OIT3: variants seen among roughly 807,000 people sequenced by gnomAD.
The protein encoded by OIT3 is oncoprotein-induced transcript 3 protein.
In OIT3, 41 loss-of-function variants were observed where a neutral mutation model predicts 52.2. That is an observed-to-expected ratio of 0.79 (90% CI 0.61 to 1.02). OIT3 has a LOEUF of 1.02. Ranked by LOEUF, OIT3 falls within the 50% of genes least tolerant of loss-of-function variation. The pLI is 0.00. For missense variants in OIT3, 634 were observed against 715.5 expected (o/e 0.89, Z 1.30); for synonymous variants, 244 against 276.9 (o/e 0.88, Z 1.18).
chr10:72,914,405 C>G lies in OIT3; in HGVS notation c.951+937C>G, dbSNP rs1010273043. Among the ~76,000 whole-genome samples the G allele has an allele frequency of 2.0e-5, 3 of 152,130 alleles. 1 individual carries two copies. Among genetic ancestry groups the G allele is most frequent in the African/African-American group, 7.2e-5 (3 of 41,420 alleles). ...CCTGCATCTGGATCAGCACGGAGGC[C>G]TTTGCGATCCTTTGGTTAAATGAAT... On this transcript the variant is annotated intron_variant, in intron 6 of 8. Transcript: ENST00000334011.
chr10:72,898,808 C>T lies in OIT3; in HGVS notation c.206C>T (p.Ala69Val), dbSNP rs768439149. The T allele has an allele frequency of 2.5e-6, 4 of 1,614,104 alleles. No homozygotes were observed. The highest frequency in any genetic ancestry group is 2.5e-6 in the Non-Finnish European group (3 of 1,180,004). ...WYHFTGMAGDAMPTFCIPENH... is the reference protein window; with the variant it reads ...WYHFTGMAGDVMPTFCIPENH... ...CACTTCACGGGCATGGCGGGAGATGCCATGCCTACCTTCTGCATACCAGAA... is the reference window on the plus strand; with the variant it reads ...CACTTCACGGGCATGGCGGGAGATGTCATGCCTACCTTCTGCATACCAGAA... The change falls in exon 2 of 9, where the codon GCC becomes GTC. Residue 69 changes from alanine to valine, a missense_variant. Ala to Val is a moderately conservative substitution (Grantham distance 64). Coordinates refer to ENST00000334011, the MANE Select transcript of OIT3 (RefSeq NM_152635.3).
chr10:72,924,531 T>C lies in OIT3; in HGVS notation c.1254T>C (p.Phe418=). Residue 418 remains phenylalanine, a synonymous_variant, in exon 7 of 9, where the codon TTT becomes TTC. Coordinates refer to ENST00000334011, the MANE Select transcript of OIT3 (RefSeq NM_152635.3). ...TCAAGCTTCGTGACTCCCTCTACTTTGGCATTGAGCCCGTGGTGCACGTGA... is the reference window on the plus strand; with the variant it reads ...TCAAGCTTCGTGACTCCCTCTACTTCGGCATTGAGCCCGTGGTGCACGTGA... The part of the protein sequence containing the change: ...PTLKLRDSLY[F]GIEPVVHVSG... The C allele has an allele frequency of 6.2e-7, 1 of 1,614,148 alleles. No homozygotes were observed. The highest frequency in any genetic ancestry group is 8.5e-7 in the Non-Finnish European group (1 of 1,180,026).
intron 4 of OIT3, among the ~76,000 whole-genome samples, chr10:72,908,575 G>A (rs1846000654): frequency 6.6e-6 from 1 of 152,048 alleles, no homozygotes; most frequent in Non-Finnish European, 1.5e-5. Flanking sequence ...AAGTCTAAAT[G>A]TATTTTAAAC....
chr10:72,912,416 G>A (rs751532706), intron 5 of OIT3, among the ~76,000 whole-genome samples: 3 of 151,800 alleles, frequency 2.0e-5, no homozygotes, highest in African/African-American at 4.8e-5. Context: ...GATTACAGGC[G>A]TGTGCCACCA....
intron 6 of OIT3, among the ~76,000 whole-genome samples, chr10:72,923,262 T>C (rs1220332889): frequency 6.6e-6 from 1 of 152,208 alleles, no homozygotes; most frequent in Non-Finnish European, 1.5e-5. Context: ...CCTAGTCACC[T>C]CAGATTTTCC....
intron 5 of OIT3, 33 bp from the exon 6 acceptor site, chr10:72,913,275 C>T (rs1356790030): frequency 1.3e-6 from 2 of 1,520,256 alleles, no homozygotes; most frequent in Non-Finnish European, 1.8e-6. Flanking sequence ...ATTCAGGTTT[C>T]CTGGCTCTAA....
rs752021953 is a variant in OIT3, at chr10:72,906,725, A to G, written c.667+7A>G. ...GATGGCAAGACTTGTGAAGGTGAGAATGGGCAAAAAGGGACCCAAATCAAG... is the reference window on the plus strand; with the variant it reads ...GATGGCAAGACTTGTGAAGGTGAGAGTGGGCAAAAAGGGACCCAAATCAAG... On this transcript the variant is annotated splice_region_variant and intron_variant, in intron 4 of 8. Transcript: ENST00000334011. 3.9e-6 allele frequency: 6 copies of G among 1,556,466 alleles called. No individual in the cohort carries two copies. The East Asian group carries it at 1.2e-4, about 30-fold the overall frequency.
chr10:72,895,701 G>A (rs1484075599), intron 1 of OIT3, among the ~76,000 whole-genome samples: 1 of 152,176 alleles, frequency 6.6e-6, no homozygotes, highest in Admixed American at 6.5e-5. Flanking sequence ...GGGCGAAAGG[G>A]TGGGGACGCA....
intron 1 of OIT3, among the ~76,000 whole-genome samples, chr10:72,895,599 G>C (rs189329225): frequency 4.6e-5 from 7 of 152,170 alleles, no homozygotes; most frequent in Non-Finnish European, 1.0e-4. Flanking sequence ...GGCACTTCCC[G>C]ACCAAGCTCA....
In OIT3 at chr10:72,911,798, C is replaced by G; in HGVS notation, c.749C>G (p.Pro250Arg). 1 of 1,613,664 alleles carries G rather than the reference C, an allele frequency of 6.2e-7. No individual in the cohort carries two copies. The highest frequency in any genetic ancestry group is 8.5e-7 in the Non-Finnish European group (1 of 1,179,742). ...GSEKGYQCECPRGLVLSEDNH... is the reference protein window; with the variant it reads ...GSEKGYQCECRRGLVLSEDNH... ...GAGAAAGGCTACCAGTGTGAATGTC[C>G]CCGGGGCCTGGTGCTGTCTGAGGAT... The change falls in exon 5 of 9, where the codon CCC (proline) becomes CGC (arginine). Residue 250 changes from proline (P) to arginine (R), a missense_variant. Transcript: ENST00000334011.
rs751022898 is a variant in OIT3 at position 72,899,032 on chromosome 10, T to C, written c.430T>C (p.Cys144Arg). 44 of 1,604,326 alleles carry C rather than the reference T, an allele frequency of 2.7e-5. No homozygotes were observed. Among genetic ancestry groups the C allele is most frequent in the Non-Finnish European group, 3.5e-5 (41 of 1,173,426 alleles). ...TKPSVCFHVYCGHFYDICDED... is the reference protein window; with the variant it reads ...TKPSVCFHVYRGHFYDICDED... ...GCCCAGCGTCTGCTTCCACGTCTACTGTGGTCGTGAGTACCTTCCCTGTGC... is the reference window on the plus strand; with the variant it reads ...GCCCAGCGTCTGCTTCCACGTCTACCGTGGTCGTGAGTACCTTCCCTGTGC... Residue 144 changes from cysteine (C) to arginine (R), a missense_variant, in exon 2 of 9, where the codon TGT becomes CGT. By Grantham distance (180) the Cys-to-Arg change is radical (BLOSUM62 -3). Transcript: ENST00000334011.
intron 3 of OIT3, among the ~76,000 whole-genome samples, chr10:72,904,897 A>G (rs753694514): frequency 3.9e-5 from 6 of 152,158 alleles, no homozygotes; most frequent in Admixed American, 6.5e-5. Context: ...TTGGTTTATG[A>G]TTCTGCTGGC....
At chr10:72,910,421 C>T (rs1052620419) in intron 4 of OIT3, among the ~76,000 whole-genome samples, 5 of 151,904 alleles carry the variant, frequency 3.3e-5, no homozygotes, top group South Asian at 4.1e-4. Context: ...TTTGGGAGGC[C>T]GAGGCGGGTA....
Position 72,924,218 on chromosome 10 carries a change from G to T in OIT3, c.952-11G>T. The T allele has an allele frequency of 6.3e-7, 1 of 1,577,850 alleles. No homozygotes were observed. The highest frequency in any genetic ancestry group is 1.8e-5 in the Admixed American group (1 of 56,854). On this transcript the variant is annotated splice_polypyrimidine_tract_variant and intron_variant, in intron 6 of 8. Coordinates refer to ENST00000334011, the MANE Select transcript of OIT3 (RefSeq NM_152635.3). ...CAATCTCTTTCCTCTCCTCACCCTGGCCTGGCTCAGGTGGTGAATGACAAG... is the reference window on the plus strand; with the variant it reads ...CAATCTCTTTCCTCTCCTCACCCTGTCCTGGCTCAGGTGGTGAATGACAAG...
chr10:72,924,626 A>T lies in OIT3; in HGVS notation c.1349A>T (p.Tyr450Phe), dbSNP rs779565370. Reference protein sequence around the residue: ...PTSKIDEVLKYYLIRDGCVSD... With the variant: ...PTSKIDEVLKFYLIRDGCVSD... The stretch of plus-strand genomic sequence containing the variant: ...TCCAAGATCGACGAGGTCCTGAAAT[A>T]CTACCTCATCCGGGATGGGTAATGC... The change falls in exon 7 of 9, where the codon TAC (tyrosine) becomes TTC (phenylalanine). Residue 450 changes from tyrosine to phenylalanine, a missense_variant. Tyr to Phe is a conservative substitution (Grantham distance 22). Transcript: ENST00000334011. 2 of 1,611,498 alleles carry T rather than the reference A, an allele frequency of 1.2e-6. No individual in the cohort carries two copies. Among genetic ancestry groups the T allele is most frequent in the East Asian group, 4.5e-5 (2 of 44,824 alleles).
intron 4 of OIT3, among the ~76,000 whole-genome samples, chr10:72,910,899 A>G (rs916636241): frequency 2.6e-5 from 4 of 152,256 alleles, no homozygotes; most frequent in African/African-American, 9.6e-5. Flanking sequence ...CTATGTGCCA[A>G]TAAAACTTTA....
At chr10:72,921,387 T>G (rs1263645150) in intron 6 of OIT3, among the ~76,000 whole-genome samples, 1 of 152,248 alleles carries the variant, frequency 6.6e-6, no homozygotes, top group Non-Finnish European at 1.5e-5. Flanking sequence ...TGCCACTCTG[T>G]GTCTTTTAAT....
intron 6 of OIT3, among the ~76,000 whole-genome samples, chr10:72,921,497 G>A (rs1010250519): frequency 6.6e-6 from 1 of 152,084 alleles, no homozygotes; most frequent in African/African-American, 2.4e-5. Flanking sequence ...GGCTGGTAGT[G>A]GTTTTACCTT....
intron 8 of OIT3, among the ~76,000 whole-genome samples, chr10:72,931,655 G>A (rs1846217585): frequency 6.6e-6 from 1 of 152,104 alleles, no homozygotes; most frequent in Non-Finnish European, 1.5e-5. Flanking sequence ...GATAAATATG[G>A]GAAAAGCAGA....
Sources: allele counts gnomAD v4.1 joint callset (sites outside exome capture counted in the v4.1 genomes callset), GRCh38; gene constraint gnomAD v4.1.1; transcripts MANE v1.5; gene names NCBI Gene and HGNC (gene_info 2026-07-23, HGNC 2026-07-21).